Variants in TSPAN9 observed in about 807,000 individuals in gnomAD.
TSPAN9 encodes the protein tetraspanin 9.
TSPAN9 carries 16 observed loss-of-function variants against 31.0 expected under a neutral mutation model. The ratio of observed to expected loss-of-function variants is 0.52; its 90% CI spans 0.35 to 0.78. TSPAN9 has a LOEUF of 0.78. Among genes scored for constraint, TSPAN9 ranks in the 30% least tolerant of loss-of-function variants. The probability of loss-of-function intolerance (pLI) is 0.01; values close to 1 mark genes in which losing one functional copy is unlikely to be tolerated. For synonymous variants in TSPAN9, 145 were observed against 121.6 expected (o/e 1.19, Z -1.27); for missense variants, 272 against 312.5 (o/e 0.87, Z 0.98).
At chr12:3,125,050 G>A (rs1002047814) in intron 2 of TSPAN9, 11 of 152,062 alleles carry the variant, frequency 7.2e-5, no homozygotes, top group African/African-American at 2.7e-4. Context: ...GTGACAGAGT[G>A]AGACCCTGTC....
At chr12:3,155,661 AG>A (rs916450523) in intron 2 of TSPAN9, among the ~76,000 whole-genome samples, 1 of 151,522 alleles carries the variant, frequency 6.6e-6, no homozygotes, top group East Asian at 1.9e-4. Context: ...TCCCTTTGGG[AG>A]GAGTTAGGCC....
intron 3 of TSPAN9, among the ~76,000 whole-genome samples, chr12:3,258,683 C>A (rs1300728315): frequency 1.3e-5 from 2 of 152,182 alleles, no homozygotes; most frequent in African/African-American, 2.4e-5. Context: ...TGAATAACAT[C>A]ATTCCTTGAC....
intron 2 of TSPAN9, among the ~76,000 whole-genome samples, chr12:3,195,680 G>A (rs2098366709): frequency 6.6e-6 from 1 of 152,200 alleles, no homozygotes; most frequent in African/African-American, 2.4e-5. Flanking sequence ...CGATGCCAGT[G>A]CCAGGCCCAG....
At chr12:3,276,568 T>C (rs546916748) in intron 3 of TSPAN9, among the ~76,000 whole-genome samples, 58 of 152,330 alleles carry the variant, frequency 3.8e-4, no homozygotes, top group African/African-American at 1.2e-3. Flanking sequence ...CCTGTTTATT[T>C]GGGTTTTTGC....
chr12:3,223,782 C>T (rs565970056), intron 3 of TSPAN9, among the ~76,000 whole-genome samples: 54 of 152,298 alleles, frequency 3.5e-4, no homozygotes, highest in Middle Eastern at 6.8e-3. Flanking sequence ...GCCGTGGCGG[C>T]GGCAGCTTGT....
chr12:3,254,456 G>T lies in TSPAN9; in HGVS notation c.64-23965G>T, dbSNP rs1470767358. Among the ~76,000 whole-genome samples, 3 of 152,290 alleles carry T rather than the reference G, an allele frequency of 2.0e-5. No individual in the cohort carries two copies. In the South Asian group the frequency reaches 6.2e-4, roughly 32 times the overall value. ...CCCTTCCCCTGGGTCAGGCCTGTGGGCACCTTCTACACCAACCTTGTGCCC... is the reference window on the plus strand; with the variant it reads ...CCCTTCCCCTGGGTCAGGCCTGTGGTCACCTTCTACACCAACCTTGTGCCC... On this transcript the variant is annotated intron_variant, in intron 3 of 8. Transcript: ENST00000011898.
intron 2 of TSPAN9, among the ~76,000 whole-genome samples, chr12:3,115,754 T>C (rs2098321989): frequency 6.6e-6 from 1 of 152,166 alleles, no homozygotes; most frequent in Admixed American, 6.5e-5. Flanking sequence ...GCTAATACCA[T>C]CACCTTGGGG....
chr12:3,201,061 G>C, intron 2 of TSPAN9, 116 bp from the exon 3 acceptor site: 4 of 948,028 alleles, frequency 4.2e-6, no homozygotes, highest in Non-Finnish European at 6.5e-6. Flanking sequence ...ACGGCACCGC[G>C]GGCTCCCGGG....
intron 3 of TSPAN9, among the ~76,000 whole-genome samples, chr12:3,270,964 C>G (rs1862666665): frequency 6.6e-6 from 1 of 152,246 alleles, no homozygotes; most frequent in African/African-American, 2.4e-5. Context: ...TTGCAGCCCC[C>G]AAACACGATG....
Position 3,168,931 on chromosome 12 carries a change from C to G in TSPAN9, c.-17-32246C>G, listed in dbSNP as rs1007599685. The stretch of plus-strand genomic sequence containing the variant: ...TCAGAAGGAAGGTAGTGGGGAAATA[C>G]AAGGTGGTGATCTCATGTGGCATTA... On this transcript the variant is annotated intron_variant, in intron 2 of 8. Transcript: ENST00000011898. The surrounding 1 kb of genome is among the most constrained non-coding windows in gnomAD (Gnocchi z 4.0). Among the ~76,000 whole-genome samples the G allele has an allele frequency of 6.6e-6, 1 of 152,190 alleles. No individual in the cohort carries two copies. The highest frequency in any genetic ancestry group is 1.5e-5 in the Non-Finnish European group (1 of 68,016).
chr12:3,260,736 AG>A (rs2153978989), intron 3 of TSPAN9, among the ~76,000 whole-genome samples: 2 of 152,246 alleles, frequency 1.3e-5, no homozygotes, highest in African/African-American at 4.8e-5. Flanking sequence ...AGGGGCAGGG[AG>A]GGCGCAGGCC....
chr12:3,216,180 A>T (rs1192839605), intron 3 of TSPAN9, among the ~76,000 whole-genome samples: 1 of 151,170 alleles, frequency 6.6e-6, no homozygotes, highest in African/African-American at 2.4e-5. Flanking sequence ...GGAGCTGGGG[A>T]GTCTGTGCTG....
intron 3 of TSPAN9, among the ~76,000 whole-genome samples, chr12:3,251,476 T>TCTTTTTTCAAAA (rs369663379): frequency 1.6e-4 from 24 of 152,190 alleles, no homozygotes; most frequent in African/African-American, 5.1e-4. Flanking sequence ...TTTCAAAAGT[T>TCTTTTTTCAAAA]GATTTCTGAT....
At chr12:3,210,738 C>CTTTTTTTT (rs376848982) in intron 3 of TSPAN9, among the ~76,000 whole-genome samples, 2 of 132,888 alleles carry the variant, frequency 1.5e-5, no homozygotes. Context: ...TCATGGATGT[C>CTTTTTTTT]TTTTTTTTTT....
intron 3 of TSPAN9, among the ~76,000 whole-genome samples, chr12:3,244,271 G>A (rs914416536): frequency 3.9e-5 from 6 of 152,166 alleles, no homozygotes; most frequent in Admixed American, 2.0e-4. Context: ...AGGTAAGCGG[G>A]TCTTGGCTGG....
At chr12:3,159,301 C>A (rs60879276) in intron 2 of TSPAN9, among the ~76,000 whole-genome samples, 1 of 151,326 alleles carries the variant, frequency 6.6e-6, no homozygotes, top group East Asian at 1.9e-4. Context: ...TTGTCTGGGT[C>A]CGTCTCAGTT....
At chr12:3,201,426 T>C (rs1317754348) in intron 3 of TSPAN9, among the ~76,000 whole-genome samples, 170 bp downstream of exon 3, 1 of 152,150 alleles carries the variant, frequency 6.6e-6, no homozygotes, top group Non-Finnish European at 1.5e-5. Flanking sequence ...CCTTTGTCTT[T>C]CCTTTCTCCC....
intron 3 of TSPAN9, among the ~76,000 whole-genome samples, chr12:3,212,212 T>C (rs9669160): frequency 0.51 from 76,973 of 151,912 alleles, 21,080 homozygotes; most frequent in Middle Eastern, 0.68. Context: ...CCTCGTGATC[T>C]GCCAGCCTCG....
rs552210506 is a variant in TSPAN9 at position 3,170,749 on chromosome 12, G to A, written c.-17-30428G>A. Among the ~76,000 whole-genome samples the A allele has an allele frequency of 2.7e-4, 41 of 152,232 alleles. No individual in the cohort carries two copies. Among genetic ancestry groups the A allele is most frequent in the South Asian group, 1.0e-3 (5 of 4,810 alleles). On this transcript the variant is annotated intron_variant, in intron 2 of 8. Coordinates refer to ENST00000011898, the MANE Select transcript of TSPAN9 (RefSeq NM_006675.5). This position sits in a 1 kb window ranked among gnomAD's most constrained non-coding sequence, Gnocchi z 4.4. ...TGGGGAGGATGGCAGGAGGTAGAGC[G>A]GAAGGACCTGCACAGCTGTGGCACC... is the stretch of plus-strand genomic sequence containing the variant.
Sources: allele counts gnomAD v4.1 joint callset (sites outside exome capture counted in the v4.1 genomes callset), GRCh38; gene constraint gnomAD v4.1.1; non-coding constraint Gnocchi (gnomAD v3.1); transcripts MANE v1.5; gene names NCBI Gene and HGNC (gene_info 2026-07-23, HGNC 2026-07-21).